EPHA6: variants seen among roughly 807,000 people sequenced by gnomAD.
EPHA6 encodes the protein EPH receptor A6.
In EPHA6, 50 loss-of-function variants were observed where a neutral mutation model predicts 112.0. The observed-to-expected ratio is 0.45, with a 90% CI of 0.36 to 0.56. The LOEUF (loss-of-function observed/expected upper bound fraction) is 0.56, where lower values mean the gene tolerates loss of function less well. Ranked by LOEUF, EPHA6 falls within the 20% of genes least tolerant of loss-of-function variation. EPHA6 has a pLI of 0.00. For missense variants in EPHA6, 1,280 were observed against 1,417.4 expected, an observed-to-expected ratio of 0.90 and a Z score of 1.56; for synonymous variants, 529 against 490.7, an observed-to-expected ratio of 1.08 and a Z score of -1.03.
intron 14 of EPHA6, among the ~76,000 whole-genome samples, chr3:97,709,293 G>A (rs139916898): frequency 2.6e-5 from 4 of 152,346 alleles, no homozygotes; most frequent in Admixed American, 6.5e-5. Context: ...TGGCCTGGAT[G>A]TGAGACATGG....
intron 8 of EPHA6, among the ~76,000 whole-genome samples, chr3:97,478,029 G>A (rs1311604161): frequency 2.0e-5 from 3 of 151,756 alleles, no homozygotes; most frequent in Non-Finnish European, 4.4e-5. Flanking sequence ...TAAGTTCTAG[G>A]GTACATGTGC....
chr3:97,232,754 C>T (rs944506260), intron 4 of EPHA6, among the ~76,000 whole-genome samples: 6 of 152,168 alleles, frequency 3.9e-5, no homozygotes, highest in Non-Finnish European at 7.4e-5. Context: ...CCAGCTGCCT[C>T]ATTTGGCCCT....
intron 17 of EPHA6, 38 bp from the exon 18 acceptor site, chr3:97,748,549 C>A: frequency 1.0e-6 from 1 of 994,950 alleles, no homozygotes; most frequent in Non-Finnish European, 1.6e-6. Flanking sequence ...TTCTTGCTCT[C>A]ACTCTCGCTC....
chr3:97,671,251 C>T (rs2030790687), intron 14 of EPHA6, among the ~76,000 whole-genome samples: 1 of 152,240 alleles, frequency 6.6e-6, no homozygotes, highest in South Asian at 2.1e-4. Context: ...GACAAGTTCA[C>T]AAGCAGTCAC....
intron 2 of EPHA6, among the ~76,000 whole-genome samples, chr3:96,984,084 C>T (rs558502046): frequency 4.0e-4 from 61 of 152,172 alleles, no homozygotes; most frequent in Non-Finnish European, 7.5e-4. Flanking sequence ...AGCTTTTTTC[C>T]GTTGCTGGCG....
chr3:97,157,062 A>G (rs1013491197), intron 3 of EPHA6, among the ~76,000 whole-genome samples: 3 of 152,240 alleles, frequency 2.0e-5, no homozygotes, highest in East Asian at 1.9e-4. Flanking sequence ...AAAAAGTCAT[A>G]TATCTGTTGT....
intron 3 of EPHA6, among the ~76,000 whole-genome samples, chr3:97,123,339 T>C (rs1160949412): frequency 6.6e-6 from 1 of 152,148 alleles, no homozygotes; most frequent in Non-Finnish European, 1.5e-5. Flanking sequence ...CTCGCCTTTT[T>C]TGTTCATTGT....
chr3:97,164,072 C>T (rs192301126), intron 3 of EPHA6, among the ~76,000 whole-genome samples: 98 of 152,244 alleles, frequency 6.4e-4, no homozygotes, highest in African/African-American at 2.0e-3. Flanking sequence ...TTCTCCACTT[C>T]TTCCAGTGAC....
intron 5 of EPHA6, among the ~76,000 whole-genome samples, chr3:97,328,667 A>G (rs189773621): frequency 3.8e-4 from 58 of 152,072 alleles, no homozygotes; most frequent in African/African-American, 1.3e-3. Context: ...CATCCTTACT[A>G]TATGGCCTTT....
chr3:97,168,887 G>T (rs1322759691), intron 3 of EPHA6, among the ~76,000 whole-genome samples: 1 of 152,158 alleles, frequency 6.6e-6, no homozygotes, highest in Admixed American at 6.5e-5. Context: ...TCGGAAGTAA[G>T]TAATGGGCAG....
At chr3:97,339,955 CA>C (rs892822883) in intron 5 of EPHA6, among the ~76,000 whole-genome samples, 21 of 151,688 alleles carry the variant, frequency 1.4e-4, no homozygotes, top group African/African-American at 4.6e-4. Context: ...ACCTTTCTGC[CA>C]AAAAAAAGTC....
chr3:97,126,094 C>G (rs1400271170), intron 3 of EPHA6, among the ~76,000 whole-genome samples: 1 of 152,190 alleles, frequency 6.6e-6, no homozygotes, highest in Non-Finnish European at 1.5e-5. Context: ...TATGCGATTT[C>G]CTACTACTTT....
At chr3:97,688,344 A>G (rs548580952) in intron 14 of EPHA6, among the ~76,000 whole-genome samples, 2 of 152,238 alleles carry the variant, frequency 1.3e-5, no homozygotes, top group East Asian at 3.9e-4. Flanking sequence ...AATAGAATTG[A>G]TATAAAACTA....
chr3:97,464,871 A>G (rs2091005677), intron 7 of EPHA6, among the ~76,000 whole-genome samples: 1 of 152,144 alleles, frequency 6.6e-6, no homozygotes, highest in Admixed American at 6.6e-5. Flanking sequence ...TGTCTGCCAA[A>G]GAAAATGATT....
At chr3:97,402,651 T>C (rs2087065382) in intron 5 of EPHA6, among the ~76,000 whole-genome samples, 1 of 152,134 alleles carries the variant, frequency 6.6e-6, no homozygotes, top group South Asian at 2.1e-4. Flanking sequence ...TCTGAGTGCT[T>C]TTTCTTATAT....
intron 7 of EPHA6, among the ~76,000 whole-genome samples, chr3:97,473,308 A>C (rs1490926865): frequency 2.0e-5 from 3 of 151,700 alleles, no homozygotes; most frequent in Non-Finnish European, 3.0e-5. Flanking sequence ...TCAAAGGGTC[A>C]TAACTTAAGA....
intron 11 of EPHA6, among the ~76,000 whole-genome samples, chr3:97,540,480 T>G (rs1377929237): frequency 6.6e-6 from 1 of 152,202 alleles, no homozygotes; most frequent in African/African-American, 2.4e-5. Context: ...ATAAACTCTT[T>G]CTGTATGCAG....
intron 5 of EPHA6, among the ~76,000 whole-genome samples, chr3:97,298,060 G>A (rs771778280): frequency 6.6e-6 from 1 of 152,090 alleles, no homozygotes; most frequent in Non-Finnish European, 1.5e-5. Context: ...CCGTGCCTGG[G>A]TGGGTTATTA....
chr3:96,909,876 T>C (rs972539503), intron 2 of EPHA6, among the ~76,000 whole-genome samples: 7 of 151,980 alleles, frequency 4.6e-5, no homozygotes, highest in African/African-American at 1.7e-4. Flanking sequence ...TTAAGCAAGG[T>C]TCTGTGTATC....
Sources: gnomAD v4.1 joint callset for allele counts (sites outside exome capture counted in the v4.1 genomes callset) on GRCh38, gnomAD v4.1.1 for gene constraint, MANE v1.5 for transcripts, NCBI Gene and HGNC (gene_info 2026-07-23, HGNC 2026-07-21) for gene names.